RBMS3: variants seen among roughly 807,000 people sequenced by gnomAD.
The protein encoded by RBMS3 is RNA binding motif single stranded interacting protein 3, also known as RNA-binding motif, single-stranded-interacting protein 3.
Under a neutral mutation model 66.8 loss-of-function variants are expected in RBMS3, and 27 were observed. The ratio of observed to expected loss-of-function variants is 0.40; its 90% CI spans 0.30 to 0.56. RBMS3 has a LOEUF of 0.56. Ranked by LOEUF, RBMS3 falls within the 20% of genes least tolerant of loss-of-function variation. The probability of loss-of-function intolerance (pLI) is 0.40; values close to 1 mark genes in which losing one functional copy is unlikely to be tolerated. For missense variants in RBMS3, 513 were observed against 549.5 expected (o/e 0.93, Z 0.66); for synonymous variants, 188 against 183.0 (o/e 1.03, Z -0.22).
chr3:29,773,844 T>G (rs893955), intron 6 of RBMS3, among the ~76,000 whole-genome samples: 70,464 of 151,874 alleles, frequency 0.46, 16,745 homozygotes, highest in African/African-American at 0.55. Context: ...CTGTGTATGA[T>G]GTATACTATC....
At chr3:29,719,120 G>C (rs1236556005) in intron 4 of RBMS3, among the ~76,000 whole-genome samples, 1 of 150,366 alleles carries the variant, frequency 6.7e-6, no homozygotes. Context: ...AGTATATCTG[G>C]GGTGGGGCCT....
intron 4 of RBMS3, among the ~76,000 whole-genome samples, chr3:29,652,553 G>T (rs552025540): frequency 6.6e-6 from 1 of 152,108 alleles, no homozygotes; most frequent in African/African-American, 2.4e-5. Context: ...GGCTATAGCA[G>T]AATTGTATTT....
chr3:29,863,913 A>G (rs1430110206), intron 6 of RBMS3, among the ~76,000 whole-genome samples: 1 of 152,174 alleles, frequency 6.6e-6, no homozygotes, highest in Non-Finnish European at 1.5e-5. Flanking sequence ...TAAATAACTC[A>G]TTTAGAGAAT....
intron 3 of RBMS3, among the ~76,000 whole-genome samples, chr3:29,528,578 T>C (rs1195272015): frequency 6.6e-6 from 1 of 152,218 alleles, no homozygotes; most frequent in Admixed American, 6.5e-5. Flanking sequence ...ATCAATTACA[T>C]TTTCATGATC....
intron 7 of RBMS3, among the ~76,000 whole-genome samples, chr3:29,872,318 G>A (rs904096615): frequency 1.3e-5 from 2 of 151,952 alleles, no homozygotes; most frequent in African/African-American, 4.8e-5. Context: ...GAAAAGTGGT[G>A]GACTTTTCTA....
rs1438541972 is a variant in RBMS3, at chr3:29,892,835, G to GTATTTATT, written c.792-4541_792-4540insTTATTTAT. ...TGTATGTATGTATGTATGTATGTAT[G>GTATTTATT]TATGTATGTATTTATTTATTTATTT... On this transcript the variant is annotated intron_variant, in intron 8 of 14. Coordinates refer to ENST00000383767, the MANE Select transcript of RBMS3 (RefSeq NM_001003793.3). Among the ~76,000 whole-genome samples the GTATTTATT allele has an allele frequency of 3.9e-4, 50 of 127,090 alleles. 1 individual carries two copies. The highest frequency in any genetic ancestry group is 1.8e-3 in the African/African-American group (48 of 26,668). The allele number at this position is 127,090 out of a possible 152,430, so 83.4% of individuals were successfully genotyped here.
chr3:29,679,790 T>C (rs1468420119), intron 4 of RBMS3, among the ~76,000 whole-genome samples: 1 of 139,678 alleles, frequency 7.2e-6, no homozygotes, highest in Non-Finnish European at 1.5e-5. Flanking sequence ...ATATATATTA[T>C]ACATAGTGTT....
At chr3:29,430,323 C>G (rs1234949867) in intron 1 of RBMS3, among the ~76,000 whole-genome samples, 2 of 151,900 alleles carry the variant, frequency 1.3e-5, no homozygotes, top group Non-Finnish European at 2.9e-5. Flanking sequence ...AGCAGAATTT[C>G]TAGAATTTAC....
intron 4 of RBMS3, among the ~76,000 whole-genome samples, chr3:29,664,284 T>C (rs1172535429): frequency 2.6e-5 from 4 of 152,048 alleles, no homozygotes; most frequent in Non-Finnish European, 5.9e-5. Context: ...GGTCAAGAGA[T>C]CGAGACCATC....
At chr3:29,822,657 C>A (rs1576912762) in intron 6 of RBMS3, among the ~76,000 whole-genome samples, 1 of 152,020 alleles carries the variant, frequency 6.6e-6, no homozygotes, top group South Asian at 2.1e-4. Flanking sequence ...GCCAAAAATT[C>A]AGAGTAGAAA....
intron 4 of RBMS3, among the ~76,000 whole-genome samples, chr3:29,702,647 A>G (rs1188718120): frequency 2.0e-5 from 3 of 152,116 alleles, no homozygotes; most frequent in Non-Finnish European, 2.9e-5. Context: ...AGGAGGAATG[A>G]ACAACTCTGG....
chr3:29,459,088 T>A (rs1349245232), intron 2 of RBMS3, among the ~76,000 whole-genome samples: 2 of 152,192 alleles, frequency 1.3e-5, no homozygotes, highest in East Asian at 3.9e-4. Flanking sequence ...CTGGGATGAG[T>A]GTATCAGAAC....
intron 11 of RBMS3, among the ~76,000 whole-genome samples, chr3:29,940,195 T>A (rs534060845): frequency 3.7e-4 from 57 of 152,030 alleles, no homozygotes; most frequent in Middle Eastern, 3.4e-3. Flanking sequence ...ACTGTAATAG[T>A]TTCCTAACCG....
chr3:29,730,399 G>A (rs2054080733), intron 4 of RBMS3, among the ~76,000 whole-genome samples: 3 of 152,094 alleles, frequency 2.0e-5, no homozygotes, highest in Admixed American at 2.0e-4. Flanking sequence ...TCAATGGTAT[G>A]TTTTTGTATG....
chr3:29,899,068 C>T (rs2060193445), intron 9 of RBMS3, among the ~76,000 whole-genome samples: 1 of 151,592 alleles, frequency 6.6e-6, no homozygotes, highest in African/African-American at 2.4e-5. Flanking sequence ...TCAGCTTATA[C>T]AGGCTGACTT....
chr3:29,885,552 T>G (rs1047542461), intron 8 of RBMS3, among the ~76,000 whole-genome samples: 1 of 151,930 alleles, frequency 6.6e-6, no homozygotes, highest in African/African-American at 2.4e-5. Flanking sequence ...AACACATATT[T>G]TGTGCAAAGT....
chr3:29,872,080 A>G (rs1490064631), intron 7 of RBMS3, among the ~76,000 whole-genome samples: 2 of 152,114 alleles, frequency 1.3e-5, no homozygotes, highest in Non-Finnish European at 2.9e-5. Flanking sequence ...GAATAAAATG[A>G]TCGAGGGATG....
intron 2 of RBMS3, among the ~76,000 whole-genome samples, chr3:29,471,718 GTTTTT>G (rs397793236): frequency 5.6e-5 from 4 of 71,170 alleles, no homozygotes; most frequent in Non-Finnish European, 1.1e-4. Context: ...TGAGGACTTA[GTTTTT>G]TTTTTTTTTT....
intron 4 of RBMS3, among the ~76,000 whole-genome samples, chr3:29,718,167 A>C (rs1336440893): frequency 6.6e-6 from 1 of 152,086 alleles, no homozygotes; most frequent in Non-Finnish European, 1.5e-5. Context: ...GTAATGATAA[A>C]AATAGAAAAA....
Sources: gnomAD v4.1 joint callset for allele counts (sites outside exome capture counted in the v4.1 genomes callset) on GRCh38, gnomAD v4.1.1 for gene constraint, MANE v1.5 for transcripts, NCBI Gene and HGNC (gene_info 2026-07-23, HGNC 2026-07-21) for gene names.